ADPRM: variants seen among roughly 807,000 people sequenced by gnomAD.
ADPRM encodes ADP-ribose/CDP-alcohol diphosphatase, manganese dependent, also known as manganese-dependent ADP-ribose/CDP-alcohol diphosphatase.
ADPRM carries 17 observed loss-of-function variants against 27.2 expected under a neutral mutation model. The observed-to-expected ratio is 0.63, with a 90% confidence interval of 0.43 to 0.94. The LOEUF (loss-of-function observed/expected upper bound fraction) is 0.94. Ranked by LOEUF, ADPRM falls within the 40% of genes least tolerant of loss-of-function variation. ADPRM has a pLI of 0.00. For missense variants in ADPRM, 337 were observed against 412.8 expected (o/e 0.82, Z 1.59); for synonymous variants, 135 against 145.3 (o/e 0.93, Z 0.51).
chr17:10,711,198 CA>C lies in ADPRM; in HGVS notation c.*61del. The stretch of plus-strand genomic sequence containing the variant: ...GAGCTTTGTGTTTGTCCCTCCTAAA[CA>C]AAAAAATAAAAATCCTCTGTCTCAT... On this transcript the variant is annotated 3_prime_UTR_variant, in exon 4 of 4. Transcript: ENST00000379774. 1.4e-6 allele frequency: 2 copies of C among 1,408,116 alleles called. No individual in the cohort carries two copies. Among genetic ancestry groups the C allele is most frequent in the South Asian group, 1.4e-5 (1 of 72,964 alleles). The allele number at this position is 1,408,116 out of a possible 1,614,324, so 87.2% of individuals were successfully genotyped here.
chr17:10,703,687 A>C (rs942043882), intron 1 of ADPRM, among the ~76,000 whole-genome samples: 4 of 152,234 alleles, frequency 2.6e-5, no homozygotes, highest in African/African-American at 7.2e-5. Flanking sequence ...TATATTTGTC[A>C]AATGACTAGA....
At position 10,710,867 on chromosome 17, in the gene ADPRM, A is replaced by G. The variant is rs765165765; in HGVS notation, c.752A>G (p.Asn251Ser). Residue 251 changes from asparagine (N) to serine (S), a missense_variant, in exon 4 of 4, where the codon AAT becomes AGT. Asn to Ser is a conservative substitution (Grantham distance 46, BLOSUM62 1). Transcript: ENST00000379774. ...CCCATTTACCCGGACGCCTCTGACA[A>G]TGTGTGCCTGGCCTGGAACTACAGA... ...HLPIYPDASDNVCLAWNYRDA... is the reference protein window; with the variant it reads ...HLPIYPDASDSVCLAWNYRDA... 1 of 1,614,126 alleles carries G rather than the reference A, an allele frequency of 6.2e-7. No homozygotes were observed. The highest frequency in any genetic ancestry group is 1.3e-5 in the African/African-American group (1 of 75,010).
At chr17:10,709,477 T>C (rs1300844875) in intron 3 of ADPRM, among the ~76,000 whole-genome samples, 1 of 151,626 alleles carries the variant, frequency 6.6e-6, no homozygotes, top group East Asian at 1.9e-4. Flanking sequence ...GTTGGGGAAA[T>C]GAGGGGGAAC....
intron 1 of ADPRM, among the ~76,000 whole-genome samples, chr17:10,700,703 A>G (rs1025304726): frequency 6.6e-6 from 1 of 151,558 alleles, no homozygotes; most frequent in Non-Finnish European, 1.5e-5. Context: ...AGTCGAGGCT[A>G]CAGTGAGCCA....
Position 10,705,404 on chromosome 17 carries a change from T to C in ADPRM, c.478T>C (p.Phe160Leu). 6.2e-7 allele frequency: 1 copy of C among 1,614,038 alleles called. No individual in the cohort carries two copies. Among genetic ancestry groups the C allele is most frequent in the Non-Finnish European group, 8.5e-7 (1 of 1,179,994 alleles). ...YHFVPFPKFR[F>L]ILLDAYDLSV... ...TTTTGTACCATTCCCTAAATTCCGG[T>C]TCATTTTACTTGATGCATATGACTT... Residue 160 changes from phenylalanine (F) to leucine (L), a missense_variant, in exon 2 of 4, where the codon TTC (phenylalanine) becomes CTC (leucine). Transcript: ENST00000379774. The surrounding 1 kb of genome is among the most constrained non-coding windows in gnomAD (Gnocchi z 5.4).
At position 10,708,979 on chromosome 17, in the gene ADPRM, A is replaced by G. The variant is rs144447638; in HGVS notation, c.719-1855A>G. Among the ~76,000 whole-genome samples the G allele has an allele frequency of 4.0e-4, 61 of 152,302 alleles. 1 individual carries two copies. In the East Asian group the frequency reaches 0.011, roughly 26 times the overall value. On this transcript the variant is annotated intron_variant, in intron 3 of 3. Transcript: ENST00000379774. Reference sequence around the variant, plus strand: ...TTTAGCAGTCTCTTACATTTCTTCTACCATTTGATGTAAGCCTAGAAACTG... The same window carrying G: ...TTTAGCAGTCTCTTACATTTCTTCTGCCATTTGATGTAAGCCTAGAAACTG...
Position 10,711,129 on chromosome 17 carries a change from A to T in ADPRM, c.1014A>T (p.Arg338Ser). Reference sequence around the variant, plus strand: ...GAATTATGAATTACAAGAAAGAAAGAGCCTTCCATTGTTAGTCTAATTTAT... The same window carrying T: ...GAATTATGAATTACAAGAAAGAAAGTGCCTTCCATTGTTAGTCTAATTTAT... ...PDRIMNYKKE[R>S]AFHC is the part of the protein sequence containing the mutation. Residue 338 changes from arginine (R) to serine (S), a missense_variant, in exon 4 of 4, where the codon AGA becomes AGT. Coordinates refer to ENST00000379774, the MANE Select transcript of ADPRM (RefSeq NM_020233.5). 1 of 1,605,568 alleles carries T rather than the reference A, an allele frequency of 6.2e-7. No individual in the cohort carries two copies. The highest frequency in any genetic ancestry group is 2.2e-5 in the East Asian group (1 of 44,720).
chr17:10,707,713 T>C (rs2074822119), intron 3 of ADPRM, among the ~76,000 whole-genome samples: 1 of 152,228 alleles, frequency 6.6e-6, no homozygotes, highest in African/African-American at 2.4e-5. Context: ...TCACAGGGCA[T>C]GTGTGCTACA....
rs192071891 is a variant in ADPRM, at chr17:10,707,299, G to A, written c.718+745G>A. Among the ~76,000 whole-genome samples, 318 of 152,176 alleles carry A rather than the reference G, an allele frequency of 2.1e-3. 2 individuals carry two copies. The highest frequency in any genetic ancestry group is 0.01 in the Middle Eastern group (3 of 294). ...CTGAGGCAGGAGAGTTGCGTGAACCGGGAGGTGGAGGTTGCAGTGAGCCAA... is the reference window on the plus strand; with the variant it reads ...CTGAGGCAGGAGAGTTGCGTGAACCAGGAGGTGGAGGTTGCAGTGAGCCAA... On this transcript the variant is annotated intron_variant, in intron 3 of 3. Transcript: ENST00000379774.
chr17:10,701,550 C>T (rs910699834), intron 1 of ADPRM, among the ~76,000 whole-genome samples: 4 of 152,094 alleles, frequency 2.6e-5, no homozygotes, highest in South Asian at 2.1e-4. Context: ...AGGATGGTCT[C>T]GATCTCCTGA....
chr17:10,709,537 G>C (rs1262382330), intron 3 of ADPRM, among the ~76,000 whole-genome samples: 1 of 152,154 alleles, frequency 6.6e-6, no homozygotes, highest in African/African-American at 2.4e-5. Context: ...GGAAAAACTA[G>C]AAAGACACCC....
At position 10,705,578 on chromosome 17, in the gene ADPRM, C is replaced by A; in HGVS notation, c.601+51C>A. ...TCTAATAGATTGTCTTTAAATTCTT[C>A]AGCTACCTTTTATTCAGCAGGAAGA... On this transcript the variant is annotated intron_variant, in intron 2 of 3. Transcript: ENST00000379774. The surrounding 1 kb of genome is among the most constrained non-coding windows in gnomAD (Gnocchi z 5.4). 6.3e-7 allele frequency: 1 copy of A among 1,579,400 alleles called. No homozygotes were observed. Among genetic ancestry groups the A allele is most frequent in the South Asian group, 1.1e-5 (1 of 87,156 alleles).
At chr17:10,707,137 A>C (rs1302566045) in intron 3 of ADPRM, among the ~76,000 whole-genome samples, 1 of 152,162 alleles carries the variant, frequency 6.6e-6, no homozygotes, top group East Asian at 1.9e-4. Flanking sequence ...AAAAATTACC[A>C]AGAAACTTGA....
intron 1 of ADPRM, among the ~76,000 whole-genome samples, chr17:10,703,144 T>C (rs904432985): frequency 6.6e-6 from 1 of 152,068 alleles, no homozygotes; most frequent in African/African-American, 2.4e-5. Context: ...AGTTATCTTC[T>C]GATTTGATTC....
intron 1 of ADPRM, among the ~76,000 whole-genome samples, chr17:10,701,471 C>G (rs1689379201): frequency 6.6e-6 from 1 of 152,040 alleles, no homozygotes; most frequent in Admixed American, 6.5e-5. Context: ...GCTGGGACTA[C>G]AGGCGCCTGC....
intron 3 of ADPRM, among the ~76,000 whole-genome samples, chr17:10,708,721 G>A (rs919677761): frequency 2.6e-5 from 4 of 152,182 alleles, no homozygotes; most frequent in African/African-American, 9.7e-5. Context: ...CTGCTTTTAA[G>A]TTTTCCACTC....
In ADPRM at chr17:10,710,888, A is replaced by G; in HGVS notation, c.773A>G (p.Tyr258Cys). Residue 258 changes from tyrosine to cysteine, a missense_variant, in exon 4 of 4, where the codon TAC (tyrosine) becomes TGC (cysteine). Physicochemically the swap from Tyr to Cys is radical, Grantham distance 194. Coordinates refer to ENST00000379774, the MANE Select transcript of ADPRM (RefSeq NM_020233.5). ...ASDNVCLAWN[Y>C]RDALAVIWSH... Reference sequence around the variant, plus strand: ...GACAATGTGTGCCTGGCCTGGAACTACAGAGATGCCCTGGCAGTCATTTGG... The same window carrying G: ...GACAATGTGTGCCTGGCCTGGAACTGCAGAGATGCCCTGGCAGTCATTTGG... 1.9e-6 allele frequency: 3 copies of G among 1,614,174 alleles called. No homozygotes were observed. The highest frequency in any genetic ancestry group is 1.7e-6 in the Non-Finnish European group (2 of 1,180,022).
Position 10,711,017 on chromosome 17 carries a change from A to C in ADPRM, c.902A>C (p.Glu301Ala), listed in dbSNP as rs371450963. 2.5e-6 allele frequency: 4 copies of C among 1,614,088 alleles called. No homozygotes were observed. The African/African-American group carries it at 5.3e-5, about 22-fold the overall frequency. ...CACGTCAACCTAGAAGGAGTTATTG[A>C]AACAGCTCCAGACAGCCAAGCCTTT... ...VYHVNLEGVI[E>A]TAPDSQAFGT... Residue 301 changes from glutamate to alanine, a missense_variant, in exon 4 of 4, where the codon GAA becomes GCA. Coordinates refer to ENST00000379774, the MANE Select transcript of ADPRM (RefSeq NM_020233.5).
Position 10,697,629 on chromosome 17 carries a change from C to G in ADPRM, c.-56C>G. The G allele has an allele frequency of 7.9e-7, 1 of 1,273,440 alleles. No individual in the cohort carries two copies. Among genetic ancestry groups the G allele is most frequent in the Non-Finnish European group, 1.1e-6 (1 of 895,720 alleles). The allele number at this position is 1,273,440 out of a possible 1,614,324, so 78.9% of individuals were successfully genotyped here. ...CTCGTTGGTGGCGCTGTTACATAGC[C>G]CGTAGTCAGAGGCCTTTCAGCCCAG... On this transcript the variant is annotated 5_prime_UTR_variant, in exon 1 of 4. Transcript: ENST00000379774.
Sources: gnomAD v4.1 joint callset for allele counts (sites outside exome capture counted in the v4.1 genomes callset) on GRCh38, gnomAD v4.1.1 for gene constraint, Gnocchi (gnomAD v3.1) non-coding constraint, MANE v1.5 for transcripts, NCBI Gene and HGNC (gene_info 2026-07-23, HGNC 2026-07-21) for gene names.